Variants in KCNAB1 observed in about 807,000 individuals in gnomAD.
KCNAB1 encodes the protein potassium voltage-gated channel subfamily A regulatory beta subunit 1.
A neutral mutation model predicts 64.6 loss-of-function variants in KCNAB1; 35 were observed. The observed-to-expected ratio is 0.54, with a 90% CI of 0.41 to 0.72. KCNAB1 has a LOEUF of 0.72. Ranked by LOEUF, KCNAB1 falls within the 30% of genes least tolerant of loss-of-function variation. KCNAB1 has a pLI of 0.00. For synonymous variants in KCNAB1, 177 were observed against 183.8 expected, an observed-to-expected ratio of 0.96 and a Z score of 0.30; for missense variants, 401 against 512.9, an observed-to-expected ratio of 0.78 and a Z score of 2.11.
intron 2 of KCNAB1, among the ~76,000 whole-genome samples, chr3:156,450,165 G>A (rs1025610514): frequency 6.6e-6 from 1 of 152,210 alleles, no homozygotes; most frequent in Non-Finnish European, 1.5e-5. Context: ...CTTGGGGATA[G>A]TGTACCTACA....
At chr3:156,532,509 G>C (rs915091136) in intron 13 of KCNAB1, among the ~76,000 whole-genome samples, 3 of 152,188 alleles carry the variant, frequency 2.0e-5, no homozygotes, top group African/African-American at 7.2e-5. Context: ...ACCTGTCCCT[G>C]CAACAAGCAC....
intron 1 of KCNAB1, among the ~76,000 whole-genome samples, chr3:156,354,114 G>GTGTGTGTATATATATATATATATATA (rs1347536675): frequency 5.7e-5 from 6 of 105,650 alleles, no homozygotes; most frequent in Non-Finnish European, 8.0e-5. Context: ...ATATATATGT[G>GTGTGTGTATATATATATATATATATA]TGTGTGTATA....
intron 1 of KCNAB1, among the ~76,000 whole-genome samples, chr3:156,298,107 A>G (rs1335864031): frequency 1.3e-5 from 2 of 152,206 alleles, no homozygotes; most frequent in Non-Finnish European, 2.9e-5. Context: ...TTAACTGCTG[A>G]TTCAATCTCA....
intron 2 of KCNAB1, among the ~76,000 whole-genome samples, chr3:156,426,424 A>G (rs1035697218): frequency 2.6e-5 from 4 of 152,250 alleles, no homozygotes; most frequent in Non-Finnish European, 4.4e-5. Context: ...CGTTATCAGC[A>G]TCCTTCACCA....
At chr3:156,468,161 A>G (rs1300533921) in intron 7 of KCNAB1, among the ~76,000 whole-genome samples, 15 of 152,136 alleles carry the variant, frequency 9.9e-5, no homozygotes, top group Admixed American at 7.2e-4. Flanking sequence ...TTTTATTCCA[A>G]CTTGGAAGCT....
chr3:156,403,425 G>T (rs896725971), intron 1 of KCNAB1, among the ~76,000 whole-genome samples: 1 of 152,148 alleles, frequency 6.6e-6, no homozygotes, highest in African/African-American at 2.4e-5. Context: ...AACCATAGTG[G>T]GCAGGTAAGG....
chr3:156,398,595 A>G (rs1325832853), intron 1 of KCNAB1, among the ~76,000 whole-genome samples: 1 of 151,496 alleles, frequency 6.6e-6, no homozygotes, highest in Admixed American at 6.6e-5. Context: ...CGTCTCAAAA[A>G]AAAAAAAAAA....
intron 1 of KCNAB1, among the ~76,000 whole-genome samples, chr3:156,217,743 T>C (rs1317340314): frequency 1.3e-5 from 2 of 152,234 alleles, no homozygotes; most frequent in African/African-American, 2.4e-5. Flanking sequence ...CAAATACCTG[T>C]TATGGTGTCT....
chr3:156,283,409 C>T (rs1487733306), intron 1 of KCNAB1, among the ~76,000 whole-genome samples: 1 of 150,334 alleles, frequency 6.7e-6, no homozygotes, highest in Non-Finnish European at 1.5e-5. Flanking sequence ...TTTTTTCCTT[C>T]ATTTCAACTT....
chr3:156,325,683 T>A (rs1264501176), intron 1 of KCNAB1, among the ~76,000 whole-genome samples: 4 of 151,986 alleles, frequency 2.6e-5, no homozygotes, highest in Admixed American at 1.3e-4. Context: ...CCAGGTGTGG[T>A]GGCTCACACC....
intron 1 of KCNAB1, among the ~76,000 whole-genome samples, chr3:156,296,580 T>C (rs532032097): frequency 1.3e-5 from 2 of 150,954 alleles, no homozygotes; most frequent in South Asian, 2.1e-4. Flanking sequence ...TTCATGCCAT[T>C]CTCCTGCCTC....
At chr3:156,403,064 A>T (rs1024172564) in intron 1 of KCNAB1, among the ~76,000 whole-genome samples, 1 of 152,222 alleles carries the variant, frequency 6.6e-6, no homozygotes, top group Admixed American at 6.5e-5. Context: ...TGGGGAAAAA[A>T]TCTATTTCTT....
intron 1 of KCNAB1, among the ~76,000 whole-genome samples, chr3:156,367,923 T>C (rs1264657069): frequency 6.6e-6 from 1 of 152,206 alleles, no homozygotes; most frequent in African/African-American, 2.4e-5. Flanking sequence ...TATCCCAAAC[T>C]CCAAACAAAC....
intron 1 of KCNAB1, among the ~76,000 whole-genome samples, chr3:156,407,795 A>G (rs530773910): frequency 6.6e-6 from 1 of 152,330 alleles, no homozygotes; most frequent in East Asian, 1.9e-4. Flanking sequence ...TGCTCTTCCT[A>G]TCTGCAATCA....
In KCNAB1 at chr3:156,414,840, C is replaced by T. The variant is rs567441788; in HGVS notation, c.276-6776C>T. ...AGACATGAGTGGGCACTTCTCAAGC[C>T]CCACCTCCACAGAACACTCAAGTTT... On this transcript the variant is annotated intron_variant, in intron 1 of 13. Coordinates refer to ENST00000490337, the MANE Select transcript of KCNAB1 (RefSeq NM_172160.3). Among the ~76,000 whole-genome samples the T allele has an allele frequency of 1.2e-3, 184 of 152,134 alleles. 2 individuals carry two copies. Among genetic ancestry groups the T allele is most frequent in the African/African-American group, 4.2e-3 (175 of 41,488 alleles).
chr3:156,155,314 CTT>C (rs967513040), intron 1 of KCNAB1, among the ~76,000 whole-genome samples: 1 of 152,170 alleles, frequency 6.6e-6, no homozygotes, highest in African/African-American at 2.4e-5. Flanking sequence ...GCAGTGAACA[CTT>C]AGGCTAAGTT....
intron 1 of KCNAB1, among the ~76,000 whole-genome samples, chr3:156,236,579 CAT>C (rs896940251): frequency 3.3e-5 from 5 of 152,194 alleles, no homozygotes; most frequent in African/African-American, 1.2e-4. Context: ...TTGATGAAAA[CAT>C]AAGCATGCTC....
At chr3:156,345,659 G>T (rs1470389522) in intron 1 of KCNAB1, among the ~76,000 whole-genome samples, 1 of 152,248 alleles carries the variant, frequency 6.6e-6, no homozygotes, top group Admixed American at 6.5e-5. Context: ...GGACAGGATA[G>T]TAGCTGGGAC....
At chr3:156,488,527 G>C (rs1690341122) in intron 8 of KCNAB1, among the ~76,000 whole-genome samples, 1 of 152,150 alleles carries the variant, frequency 6.6e-6, no homozygotes, top group Admixed American at 6.6e-5. Context: ...GGCTGCAGCA[G>C]AGTAAGGAAG....
Sources: allele counts gnomAD v4.1 joint callset (sites outside exome capture counted in the v4.1 genomes callset), GRCh38; gene constraint gnomAD v4.1.1; transcripts MANE v1.5; gene names NCBI Gene and HGNC (gene_info 2026-07-23, HGNC 2026-07-21).